AUH: variants seen among roughly 807,000 people sequenced by gnomAD.
The protein encoded by AUH is methylglutaconyl-CoA hydratase, mitochondrial.
In AUH, 29 loss-of-function variants were observed where a neutral mutation model predicts 42.3. That is an observed-to-expected ratio of 0.69 (90% CI 0.51 to 0.93). The LOEUF (loss-of-function observed/expected upper bound fraction) is 0.93, where lower values mean the gene tolerates loss of function less well. Ranked by LOEUF, AUH falls within the 40% of genes least tolerant of loss-of-function variation. AUH has a pLI of 0.00. For synonymous variants in AUH, 174 were observed against 166.4 expected (o/e 1.05, Z -0.35); for missense variants, 452 against 438.1 (o/e 1.03, Z -0.28).
chr9:91,321,171 T>C (rs529969556), intron 4 of AUH, among the ~76,000 whole-genome samples: 2 of 152,284 alleles, frequency 1.3e-5, no homozygotes, highest in East Asian at 3.9e-4. Context: ...AAAAGAGGTA[T>C]CCCAGATGTG....
rs558795995 is a variant in AUH at position 91,299,173 on chromosome 9, C to T, written c.506-1097G>A. On this transcript the variant is annotated intron_variant, in intron 4 of 9. Coordinates refer to ENST00000375731, the MANE Select transcript of AUH (RefSeq NM_001698.3). ...GGCAGAGATTGCAGTGAGCCAAGAT[C>T]GTGCCATTGCACTCCAGCCTGGGTG... Among the ~76,000 whole-genome samples the T allele has an allele frequency of 4.5e-4, 68 of 152,242 alleles. No individual in the cohort carries two copies. The Middle Eastern group carries it at 0.014, about 30-fold the overall frequency.
chr9:91,237,078 G>C (rs1828230243), intron 6 of AUH, among the ~76,000 whole-genome samples: 1 of 152,134 alleles, frequency 6.6e-6, no homozygotes, highest in Admixed American at 6.6e-5. Flanking sequence ...GAATCTATCA[G>C]CTACAGATTA....
chr9:91,222,418 A>G (rs1394769249), intron 6 of AUH, among the ~76,000 whole-genome samples: 1 of 152,270 alleles, frequency 6.6e-6, no homozygotes, highest in South Asian at 2.1e-4. Flanking sequence ...AATATTTTCA[A>G]TACAGACTGT....
intron 4 of AUH, among the ~76,000 whole-genome samples, chr9:91,313,658 T>C (rs370129220): frequency 9.4e-5 from 14 of 148,160 alleles, no homozygotes; most frequent in African/African-American, 3.0e-4. Context: ...TGAGCCGAGA[T>C]TGCGCCACTG....
In AUH at chr9:91,271,029, T is replaced by C. The variant is rs189904493; in HGVS notation, c.655+24992A>G. Reference sequence around the variant, plus strand: ...TAATAGTCCAAATAGGGAAGATATATAAATTTTTATTAGAAACATGTTTCA... The same window carrying C: ...TAATAGTCCAAATAGGGAAGATATACAAATTTTTATTAGAAACATGTTTCA... On this transcript the variant is annotated intron_variant, in intron 6 of 9. Transcript: ENST00000375731. Among the ~76,000 whole-genome samples, 665 of 152,326 alleles carry C rather than the reference T, an allele frequency of 4.4e-3. 5 individuals are homozygous for C. The highest frequency in any genetic ancestry group is 0.015 in the African/African-American group (638 of 41,584).
intron 6 of AUH, among the ~76,000 whole-genome samples, chr9:91,281,543 G>A (rs1481214276): frequency 1.3e-5 from 2 of 152,166 alleles, no homozygotes; most frequent in Admixed American, 6.5e-5. Context: ...CTACTTAAAA[G>A]TGTACTTGAT....
At chr9:91,305,893 C>T (rs530308801) in intron 4 of AUH, among the ~76,000 whole-genome samples, 1 of 152,296 alleles carries the variant, frequency 6.6e-6, no homozygotes, top group African/African-American at 2.4e-5. Flanking sequence ...ATCCCCAACA[C>T]CGTAAGCCAT....
At chr9:91,356,225 C>T (rs747135839) in intron 1 of AUH, 70 bp from the exon 2 acceptor site, 12 of 1,223,348 alleles carry the variant, frequency 9.8e-6, no homozygotes, top group Non-Finnish European at 1.4e-5. Flanking sequence ...CTCTACATCA[C>T]ACATCTAGCT....
intron 6 of AUH, among the ~76,000 whole-genome samples, chr9:91,247,830 T>G (rs988742478): frequency 1.4e-4 from 21 of 152,262 alleles, no homozygotes; most frequent in African/African-American, 4.3e-4. Context: ...AAGTGTCTGC[T>G]TAAATATCTT....
chr9:91,214,528 T>G, intron 9 of AUH, 103 bp from the exon 10 acceptor site: 1 of 962,086 alleles, frequency 1.0e-6, no homozygotes, highest in Non-Finnish European at 1.5e-6. Context: ...TTCTAAAATT[T>G]TGAAATCAGT....
At chr9:91,282,319 T>A (rs1826032205) in intron 6 of AUH, among the ~76,000 whole-genome samples, 1 of 152,194 alleles carries the variant, frequency 6.6e-6, no homozygotes, top group Non-Finnish European at 1.5e-5. Flanking sequence ...CACACTCTCC[T>A]TGGACCCCTT....
chr9:91,340,767 C>T (rs989313640), intron 3 of AUH, among the ~76,000 whole-genome samples: 1 of 152,208 alleles, frequency 6.6e-6, no homozygotes, highest in Non-Finnish European at 1.5e-5. Flanking sequence ...GTGTAACTGA[C>T]CCCTGCTCCT....
chr9:91,272,906 A>G (rs956310794), intron 6 of AUH, among the ~76,000 whole-genome samples: 1 of 152,248 alleles, frequency 6.6e-6, no homozygotes, highest in African/African-American at 2.4e-5. Context: ...ATAGGAGAGC[A>G]AAATACTGAC....
chr9:91,361,914 G>A lies in AUH; in HGVS notation c.-25C>T. ...TGTTGTCTGTTTACGGCGTGGACCTGCGACGGCCGCTCCGCCCCCGCCCGG... is the reference window on the plus strand; with the variant it reads ...TGTTGTCTGTTTACGGCGTGGACCTACGACGGCCGCTCCGCCCCCGCCCGG... On this transcript the variant is annotated 5_prime_UTR_variant, in exon 1 of 10. Coordinates refer to ENST00000375731, the MANE Select transcript of AUH (RefSeq NM_001698.3). The A allele has an allele frequency of 1.5e-6, 2 of 1,362,182 alleles. No homozygotes were observed. Among genetic ancestry groups the A allele is most frequent in the Non-Finnish European group, 1.9e-6 (2 of 1,059,798 alleles). 84.4% of individuals were successfully genotyped at this position (1,362,182 alleles called of 1,614,324 possible).
chr9:91,249,763 G>A (rs1378109180), intron 6 of AUH, among the ~76,000 whole-genome samples: 1 of 152,150 alleles, frequency 6.6e-6, no homozygotes, highest in African/African-American at 2.4e-5. Context: ...TATAATCCCA[G>A]TACTTGCAGA....
At chr9:91,352,073 A>C (rs1832031898) in intron 3 of AUH, among the ~76,000 whole-genome samples, 1 of 152,092 alleles carries the variant, frequency 6.6e-6, no homozygotes, top group South Asian at 2.1e-4. Flanking sequence ...TCAGGAGTTC[A>C]AGACCAGCCT....
intron 6 of AUH, among the ~76,000 whole-genome samples, chr9:91,258,654 A>ATATAGTTT (rs1364906024): frequency 1.3e-5 from 2 of 152,248 alleles, no homozygotes; most frequent in Non-Finnish European, 2.9e-5. Flanking sequence ...GCAGAAAAGC[A>ATATAGTTT]TATAGTTTTT....
At chr9:91,278,569 G>T (rs569600277) in intron 6 of AUH, among the ~76,000 whole-genome samples, 6 of 152,312 alleles carry the variant, frequency 3.9e-5, no homozygotes, top group Admixed American at 3.9e-4. Flanking sequence ...GTAGTTTGGC[G>T]CGATTTCAAC....
intron 6 of AUH, among the ~76,000 whole-genome samples, chr9:91,264,122 A>C (rs543278898): frequency 6.6e-5 from 10 of 152,258 alleles, no homozygotes; most frequent in African/African-American, 2.2e-4. Context: ...ATATATACAC[A>C]CACATATATG....
Sources: gnomAD v4.1 joint callset for allele counts (sites outside exome capture counted in the v4.1 genomes callset) on GRCh38, gnomAD v4.1.1 for gene constraint, MANE v1.5 for transcripts, NCBI Gene and HGNC (gene_info 2026-07-23, HGNC 2026-07-21) for gene names.